The following ZMYM2 variants were observed in gnomAD, a reference collection of about 807,000 sequenced individuals.
The protein encoded by ZMYM2 is zinc finger MYM-type containing 2.
ZMYM2 carries 56 observed loss-of-function variants against 162.8 expected under a neutral mutation model. The observed-to-expected ratio is 0.34, with a 90% confidence interval of 0.28 to 0.43. The LOEUF is 0.43. Ranked by LOEUF, ZMYM2 falls within the 20% of genes least tolerant of loss-of-function variation. ZMYM2 has a pLI of 1.00. For synonymous variants in ZMYM2, 510 were observed against 541.6 expected, an observed-to-expected ratio of 0.94 and a Z score of 0.81; for missense variants, 1,275 against 1,621.8, an observed-to-expected ratio of 0.79 and a Z score of 3.67.
At chr13:20,014,684 C>T (rs1951466071) in intron 6 of ZMYM2, among the ~76,000 whole-genome samples, 1 of 149,610 alleles carries the variant, frequency 6.7e-6, no homozygotes, top group South Asian at 2.1e-4. Flanking sequence ...TTTATTATTT[C>T]CTTTCTTCTG....
the ZMYM2 span, among the ~76,000 whole-genome samples, chr13:19,922,367 G>A: frequency 1.3e-5 from 2 of 152,098 alleles, no homozygotes; most frequent in Non-Finnish European, 2.9e-5. Flanking sequence ...TGTCCTGCGC[G>A]GCATTATTTG....
intron 7 of ZMYM2, among the ~76,000 whole-genome samples, chr13:20,020,525 A>G (rs951854741): frequency 4.6e-5 from 7 of 151,924 alleles, no homozygotes; most frequent in Admixed American, 1.3e-4. Context: ...CGCCCGGCCC[A>G]TTATTTCTTT....
chr13:19,934,771 C>CTT, the ZMYM2 span, among the ~76,000 whole-genome samples: 1 of 44,150 alleles, frequency 2.3e-5, no homozygotes, highest in African/African-American at 4.4e-5. Flanking sequence ...TTCTTTCTTT[C>CTT]TTTTTTTTTT....
At chr13:20,013,015 A>AAC (rs1299608159) in intron 6 of ZMYM2, among the ~76,000 whole-genome samples, 6 of 152,192 alleles carry the variant, frequency 3.9e-5, no homozygotes, top group African/African-American at 1.4e-4. Flanking sequence ...TTTTTATATA[A>AAC]ATTGCATTGA....
the ZMYM2 span, among the ~76,000 whole-genome samples, chr13:19,892,029 C>A: frequency 1.5e-4 from 23 of 151,540 alleles, no homozygotes; most frequent in Admixed American, 1.4e-3. Flanking sequence ...GCAGCCTTGA[C>A]CTCCCAGGCT....
At chr13:19,932,595 A>T in the ZMYM2 span, among the ~76,000 whole-genome samples, 1 of 151,972 alleles carries the variant, frequency 6.6e-6, no homozygotes, top group South Asian at 2.1e-4. Context: ...GCAGTGAGTC[A>T]AGATCATAGC....
Position 20,051,744 on chromosome 13 carries a change from C to G in ZMYM2, c.2458+146C>G, listed in dbSNP as rs1215407362. The G allele has an allele frequency of 1.4e-5, 10 of 739,782 alleles. No homozygotes were observed. In the East Asian group the frequency reaches 1.8e-4, roughly 13 times the overall value. 45.8% of individuals were successfully genotyped at this position (739,782 alleles called of 1,614,324 possible). ...CCGTAGATTCTCTGGGTCGAAGTAC[C>G]CTTGTATGTTGTTTTTATAAATGTA... On this transcript the variant is annotated intron_variant, in intron 13 of 24. Coordinates refer to ENST00000610343, the MANE Select transcript of ZMYM2 (RefSeq NM_197968.4).
chr13:20,064,062 C>G (rs1016671942), intron 18 of ZMYM2, among the ~76,000 whole-genome samples: 3 of 150,344 alleles, frequency 2.0e-5, no homozygotes, highest in Non-Finnish European at 4.4e-5. Context: ...TCATTATTTT[C>G]TTAATCCATG....
chr13:19,948,621 AG>A, the ZMYM2 span, among the ~76,000 whole-genome samples: 6 of 152,328 alleles, frequency 3.9e-5, no homozygotes, highest in East Asian at 1.2e-3. Context: ...AGAGATAGGA[AG>A]GGATGAACAA....
the ZMYM2 span, among the ~76,000 whole-genome samples, chr13:19,917,482 T>G: frequency 6.0e-5 from 9 of 150,736 alleles, no homozygotes; most frequent in Non-Finnish European, 1.0e-4. Context: ...CCCAGCTACT[T>G]GGGAGGCTGA....
At chr13:20,081,314 C>T (rs1263968238) in intron 21 of ZMYM2, among the ~76,000 whole-genome samples, 1 of 152,214 alleles carries the variant, frequency 6.6e-6, no homozygotes. Flanking sequence ...ACTCCCAATT[C>T]TTGCCTTCCA....
Position 20,086,126 on chromosome 13 carries a change from C to CGTGGGTACACTGCTACAA in ZMYM2, c.*112_*113insGTGGGTACACTGCTACAA. On this transcript the variant is annotated 3_prime_UTR_variant, in exon 25 of 25. Coordinates refer to ENST00000610343, the MANE Select transcript of ZMYM2 (RefSeq NM_197968.4). ...ACTCCTTCTGTTTTGAGTTTTGTAG[C>CGTGGGTACACTGCTACAA]AGTGTACCCACGCTGGGTATTACCA... 3 of 1,082,124 alleles carry CGTGGGTACACTGCTACAA rather than the reference C, an allele frequency of 2.8e-6. No homozygotes were observed. The highest frequency in any genetic ancestry group is 3.9e-6 in the Non-Finnish European group (3 of 768,960). 67.0% of individuals were successfully genotyped at this position (1,082,124 alleles called of 1,614,324 possible).
the ZMYM2 span, among the ~76,000 whole-genome samples, chr13:19,931,561 A>G: frequency 9.2e-5 from 14 of 152,216 alleles, no homozygotes; most frequent in Non-Finnish European, 1.3e-4. Context: ...ATATAGTTGG[A>G]ATCATACAGT....
the ZMYM2 span, among the ~76,000 whole-genome samples, chr13:19,875,869 G>A: frequency 1.3e-5 from 2 of 151,908 alleles, no homozygotes; most frequent in Admixed American, 1.3e-4. Flanking sequence ...TACCTATTGA[G>A]TACTATGTTC....
chr13:19,953,479 T>C, the ZMYM2 span, among the ~76,000 whole-genome samples: 18 of 151,982 alleles, frequency 1.2e-4, no homozygotes, highest in Admixed American at 5.2e-4. Flanking sequence ...GGTCAAGAGA[T>C]CGAGACCATC....
At chr13:20,011,088 C>A (rs563680937) in intron 6 of ZMYM2, among the ~76,000 whole-genome samples, 7 of 152,124 alleles carry the variant, frequency 4.6e-5, no homozygotes, top group African/African-American at 1.4e-4. Flanking sequence ...TGGGAACATT[C>A]GAAATTCTCT....
intron 3 of ZMYM2, among the ~76,000 whole-genome samples, chr13:19,998,049 CTCG>C (rs773109168): frequency 3.9e-5 from 6 of 152,110 alleles, no homozygotes; most frequent in Non-Finnish European, 5.9e-5. Context: ...ACTCTGTAAA[CTCG>C]TCATCAGAAA....
chr13:20,062,152 A>G (rs1170288528), intron 17 of ZMYM2, among the ~76,000 whole-genome samples: 3 of 152,184 alleles, frequency 2.0e-5, no homozygotes, highest in Non-Finnish European at 4.4e-5. Context: ...ATAATGAGAC[A>G]GTGTTTTTGA....
intron 14 of ZMYM2, among the ~76,000 whole-genome samples, chr13:20,053,545 A>G (rs545784947): frequency 9.3e-4 from 141 of 152,116 alleles, no homozygotes; most frequent in Admixed American, 2.2e-3. Context: ...CCAGCTACTC[A>G]GGAGGCTGAG....
Sources: gnomAD v4.1 joint callset for allele counts (sites outside exome capture counted in the v4.1 genomes callset) on GRCh38, gnomAD v4.1.1 for gene constraint, MANE v1.5 for transcripts, NCBI Gene and HGNC (gene_info 2026-07-23, HGNC 2026-07-21) for gene names.